FIP1L1: variants seen among roughly 807,000 people sequenced by gnomAD.
FIP1L1 encodes the protein factor interacting with PAPOLA and CPSF1, also known as pre-mRNA 3'-end-processing factor FIP1.
FIP1L1 carries 21 observed loss-of-function variants against 84.6 expected under a neutral mutation model. The observed-to-expected ratio is 0.25, with a 90% CI of 0.18 to 0.36. The LOEUF (loss-of-function observed/expected upper bound fraction) is 0.36, where lower values mean the gene tolerates loss of function less well. Ranked by LOEUF, FIP1L1 falls within the 10% of genes least tolerant of loss-of-function variation. The pLI is 1.00. For missense variants in FIP1L1, 526 were observed against 751.1 expected (o/e 0.70, Z 3.50); for synonymous variants, 263 against 242.3 (o/e 1.09, Z -0.80).
At chr4:53,385,509 A>T (rs1740492141) in intron 5 of FIP1L1, among the ~76,000 whole-genome samples, 1 of 152,150 alleles carries the variant, frequency 6.6e-6, no homozygotes, top group African/African-American at 2.4e-5. Context: ...AACTCTTCAA[A>T]AAAACAAGAA....
chr4:53,418,219 C>T (rs1760686852), intron 11 of FIP1L1, among the ~76,000 whole-genome samples: 2 of 152,074 alleles, frequency 1.3e-5, no homozygotes, highest in Admixed American at 6.6e-5. Flanking sequence ...ACAGGTGAGG[C>T]TGCAGTGAGC....
At chr4:53,407,702 G>A (rs1046473345) in intron 10 of FIP1L1, among the ~76,000 whole-genome samples, 8 of 152,098 alleles carry the variant, frequency 5.3e-5, no homozygotes, top group African/African-American at 1.9e-4. Context: ...TATATATTTA[G>A]GATAGTTAGC....
intron 11 of FIP1L1, among the ~76,000 whole-genome samples, chr4:53,424,972 T>C (rs1763750880): frequency 6.6e-6 from 1 of 152,134 alleles, no homozygotes; most frequent in South Asian, 2.1e-4. Flanking sequence ...GCTGCTGTTA[T>C]TTGTCATTTT....
intron 6 of FIP1L1, 68 bp downstream of exon 6, chr4:53,389,941 CTTTT>C: frequency 9.1e-7 from 1 of 1,093,382 alleles, no homozygotes; most frequent in African/African-American, 1.7e-5. Context: ...GTCTTAATAG[CTTTT>C]TTTTTTAGTC....
intron 13 of FIP1L1, among the ~76,000 whole-genome samples, chr4:53,436,167 C>T (rs1769106721): frequency 6.6e-6 from 1 of 152,114 alleles, no homozygotes; most frequent in Admixed American, 6.5e-5. Context: ...GTTTCTACTG[C>T]CGTATAACAA....
intron 9 of FIP1L1, among the ~76,000 whole-genome samples, chr4:53,393,032 G>A (rs944666227): frequency 2.6e-5 from 4 of 152,118 alleles, no homozygotes; most frequent in African/African-American, 7.2e-5. Flanking sequence ...ATTGTGGTCC[G>A]TAGGAAATGG....
In FIP1L1 at chr4:53,460,859, C is replaced by T. The variant is rs750109057; in HGVS notation, c.*1410C>T. ...CAAGATAAATATAGTGTTTCAACTTCTTAGCCTATTTGTGATTTTTCTGTT... is the reference window on the plus strand; with the variant it reads ...CAAGATAAATATAGTGTTTCAACTTTTTAGCCTATTTGTGATTTTTCTGTT... On this transcript the variant is annotated 3_prime_UTR_variant, in exon 18 of 18. Coordinates refer to ENST00000337488, the MANE Select transcript of FIP1L1 (RefSeq NM_030917.4). The T allele has an allele frequency of 1.4e-5, 21 of 1,517,604 alleles. No homozygotes were observed. In the African/African-American group the frequency reaches 2.7e-4, roughly 19 times the overall value. The allele number at this position is 1,517,604 out of a possible 1,614,324, so 94.0% of individuals were successfully genotyped here.
At chr4:53,417,231 AAAG>A (rs551737038) in intron 11 of FIP1L1, among the ~76,000 whole-genome samples, 99 of 152,338 alleles carry the variant, frequency 6.5e-4, no homozygotes, top group African/African-American at 2.3e-3. Context: ...TCTCTCTAAA[AAAG>A]ATGCTCTGGA....
chr4:53,382,942 G>C (rs1018332546), intron 4 of FIP1L1, among the ~76,000 whole-genome samples: 2 of 151,778 alleles, frequency 1.3e-5, no homozygotes, highest in Non-Finnish European at 2.9e-5. Context: ...TGCATGTAGG[G>C]CCTCTTCTAG....
rs576732596 is a variant in FIP1L1 at position 53,419,788 on chromosome 4, C to G, written c.923+5066C>G. The stretch of plus-strand genomic sequence containing the variant: ...TGTACTTGTAAGGATTAAATAAATT[C>G]TAAGCTGTGAAAGCACCTATTTCAG... On this transcript the variant is annotated intron_variant, in intron 11 of 17. Coordinates refer to ENST00000337488, the MANE Select transcript of FIP1L1 (RefSeq NM_030917.4). 1.8e-4 allele frequency among the ~76,000 whole-genome samples: 28 copies of G among 152,162 alleles called. No homozygotes were observed. The East Asian group carries it at 4.8e-3, about 26-fold the overall frequency.
intron 13 of FIP1L1, among the ~76,000 whole-genome samples, chr4:53,430,439 C>G (rs1766127514): frequency 6.7e-6 from 1 of 149,444 alleles, no homozygotes; most frequent in African/African-American, 2.5e-5. Flanking sequence ...TCCTCCACCT[C>G]CCAGGCTCAA....
intron 15 of FIP1L1, among the ~76,000 whole-genome samples, chr4:53,446,651 T>C (rs543348810): frequency 5.9e-5 from 9 of 152,152 alleles, no homozygotes; most frequent in Non-Finnish European, 1.2e-4. Context: ...ACATGACTTA[T>C]TAAAGTTTGA....
intron 11 of FIP1L1, among the ~76,000 whole-genome samples, chr4:53,419,084 T>C (rs939149408): frequency 4.6e-5 from 7 of 152,190 alleles, no homozygotes; most frequent in African/African-American, 1.7e-4. Flanking sequence ...CTATCATTGA[T>C]ACATTTAAAA....
intron 5 of FIP1L1, among the ~76,000 whole-genome samples, chr4:53,389,293 C>T (rs1210177475): frequency 6.6e-6 from 1 of 152,104 alleles, no homozygotes; most frequent in Non-Finnish European, 1.5e-5. Context: ...AGGAATTTTA[C>T]TTATGCTTAA....
intron 9 of FIP1L1, among the ~76,000 whole-genome samples, chr4:53,397,707 G>A (rs6847289): frequency 0.81 from 123,598 of 152,146 alleles, 50,351 homozygotes; most frequent in Middle Eastern, 0.85. Flanking sequence ...TTTTCCAGGA[G>A]GGTTACTGAT....
intron 10 of FIP1L1, among the ~76,000 whole-genome samples, chr4:53,408,690 G>C (rs1384033466): frequency 1.3e-5 from 2 of 151,996 alleles, no homozygotes; most frequent in African/African-American, 4.8e-5. Context: ...GGCTTTGTTC[G>C]TTTCTTTTTA....
rs1328055201 is a variant in FIP1L1, at chr4:53,399,827, T to G, written c.803T>G (p.Leu268Arg). Residue 268 changes from leucine to arginine, a missense_variant, in exon 10 of 18, where the codon CTT (leucine) becomes CGT (arginine). Leu to Arg is a moderately radical substitution (Grantham distance 102, BLOSUM62 -2). Around this residue, in one of 6 missense-constraint regions of FIP1L1, gnomAD observed 169 missense variants for 206.9 expected, o/e 0.82. Transcript: ENST00000337488. ...CCTCCTTCTTTGTTCAAGACTGGGC[T>G]TCCACCGAGCAGGTTAGTTACATAG... ...TSPPSLFKTG[L>R]PPSRNSTSSQ... 6.2e-7 allele frequency: 1 copy of G among 1,610,564 alleles called. No individual in the cohort carries two copies. The highest frequency in any genetic ancestry group is 2.2e-5 in the East Asian group (1 of 44,790).
At chr4:53,395,798 A>G (rs1578260687) in intron 9 of FIP1L1, among the ~76,000 whole-genome samples, 3 of 152,080 alleles carry the variant, frequency 2.0e-5, no homozygotes, top group Admixed American at 6.6e-5. Flanking sequence ...TCTTATTTAT[A>G]TATCTCAGCA....
chr4:53,402,762 T>C (rs1181717765), intron 10 of FIP1L1, among the ~76,000 whole-genome samples: 2 of 151,892 alleles, frequency 1.3e-5, no homozygotes, highest in African/African-American at 2.4e-5. Flanking sequence ...AAAGGAGAAA[T>C]TGGTGGTGTA....
Sources: gnomAD v4.1 joint callset for allele counts (sites outside exome capture counted in the v4.1 genomes callset) on GRCh38, gnomAD v4.1.1 for gene constraint, gnomAD v4.1.1 regional missense constraint, MANE v1.5 for transcripts, NCBI Gene and HGNC (gene_info 2026-07-23, HGNC 2026-07-21) for gene names.